DRC7: variants seen among roughly 807,000 people sequenced by gnomAD.
The protein encoded by DRC7 is dynein regulatory complex subunit 7.
DRC7 carries 80 observed loss-of-function variants against 104.4 expected under a neutral mutation model. The observed-to-expected ratio is 0.77, with a 90% confidence interval of 0.64 to 0.92. The LOEUF is 0.92. DRC7 is among the 40% of genes least tolerant of loss of function. DRC7 has a pLI of 0.00. For missense variants in DRC7, 1,034 were observed against 1,141.1 expected (o/e 0.91, Z 1.35); for synonymous variants, 405 against 447.3 (o/e 0.91, Z 1.19).
chr16:57,730,293 ATGGG>A (rs1474858563), intron 17 of DRC7, among the ~76,000 whole-genome samples: 3 of 73,356 alleles, frequency 4.1e-5, no homozygotes, highest in East Asian at 4.6e-4. Context: ...GGGTGGGTGG[ATGGG>A]TGGGTGGGTG....
At position 57,731,369 on chromosome 16, in the gene DRC7, C is replaced by T; in HGVS notation, c.*111C>T. ...AATGCCTGTTTACACAGACACCTGG[C>T]CTCACTGCCAGCCCACCTCCCCTAC... On this transcript the variant is annotated 3_prime_UTR_variant, in exon 19 of 19. Transcript: ENST00000360716. 1 of 772,290 alleles carries T rather than the reference C, an allele frequency of 1.3e-6. No individual in the cohort carries two copies. Among genetic ancestry groups the T allele is most frequent in the African/African-American group, 1.7e-5 (1 of 57,486 alleles). The allele number at this position is 772,290 out of a possible 1,614,324, so 47.8% of individuals were successfully genotyped here. A position where few individuals can be genotyped will look rare whatever the true frequency, so the allele number is the denominator to read the frequency against.
intron 8 of DRC7, among the ~76,000 whole-genome samples, chr16:57,711,635 T>G (rs1419931377): frequency 2.6e-5 from 4 of 152,156 alleles, no homozygotes; most frequent in African/African-American, 9.7e-5. Context: ...GACTGGGGAA[T>G]TGCAATAGAG....
At chr16:57,729,724 G>A (rs1161159246) in intron 17 of DRC7, among the ~76,000 whole-genome samples, 1 of 122,824 alleles carries the variant, frequency 8.1e-6, no homozygotes, top group Admixed American at 7.8e-5. Context: ...ATGGATGGGT[G>A]AGTGGGTGGG....
At chr16:57,710,065 A>G (rs753567626) in intron 8 of DRC7, among the ~76,000 whole-genome samples, 27 of 152,204 alleles carry the variant, frequency 1.8e-4, no homozygotes, top group African/African-American at 5.3e-4. Flanking sequence ...CCGGGCCCCA[A>G]AAAGAAGATT....
intron 9 of DRC7, among the ~76,000 whole-genome samples, chr16:57,720,459 G>T (rs1239769082): frequency 2.0e-5 from 3 of 152,232 alleles, no homozygotes; most frequent in African/African-American, 7.2e-5. Flanking sequence ...TGGCCTTGGG[G>T]CATGGACCAG....
At chr16:57,727,657 G>T (rs1246347800) in intron 16 of DRC7, among the ~76,000 whole-genome samples, 2 of 152,228 alleles carry the variant, frequency 1.3e-5, no homozygotes, top group African/African-American at 4.8e-5. Context: ...GTTGGGAAAA[G>T]AATTAAAATT....
At chr16:57,719,616 C>G (rs1305898932) in intron 9 of DRC7, among the ~76,000 whole-genome samples, 6 of 152,118 alleles carry the variant, frequency 3.9e-5, no homozygotes, top group African/African-American at 1.4e-4. Flanking sequence ...CTCAAATGAT[C>G]CTTCCACTTT....
chr16:57,722,949 T>C lies in DRC7; in HGVS notation c.1409-53T>C, dbSNP rs910755049. The C allele has an allele frequency of 1.9e-5, 30 of 1,612,418 alleles. No homozygotes were observed. The African/African-American group carries it at 2.7e-4, about 14-fold the overall frequency. On this transcript the variant is annotated intron_variant, in intron 11 of 18. Transcript: ENST00000360716. ...CTCTGTGTGCCTGGAATAAGGGGGGTTGAAGGCTAGGGGAGCTGGCCTGGC... is the reference window on the plus strand; with the variant it reads ...CTCTGTGTGCCTGGAATAAGGGGGGCTGAAGGCTAGGGGAGCTGGCCTGGC...
intron 9 of DRC7, 93 bp from the exon 10 acceptor site, chr16:57,721,574 T>C: frequency 1.0e-6 from 1 of 953,832 alleles, no homozygotes; most frequent in Non-Finnish European, 1.6e-6. Context: ...CCACCTTGGC[T>C]TGGCTCTGCA....
chr16:57,710,866 A>T (rs2048785774), intron 8 of DRC7, among the ~76,000 whole-genome samples: 1 of 152,150 alleles, frequency 6.6e-6, no homozygotes, highest in Non-Finnish European at 1.5e-5. Context: ...TAAATCTTTT[A>T]TATATTATTG....
At position 57,722,987 on chromosome 16, in the gene DRC7, C is replaced by T. The variant is rs1351570587; in HGVS notation, c.1409-15C>T. The stretch of plus-strand genomic sequence containing the variant: ...GAGCTGGCCTGGCTGCGGCAAGTGT[C>T]CATCGGCCCCACAGGTACCAATATT... On this transcript the variant is annotated splice_polypyrimidine_tract_variant and intron_variant, in intron 11 of 18. Coordinates refer to ENST00000360716, the MANE Select transcript of DRC7 (RefSeq NM_001289162.2). 6.2e-7 allele frequency: 1 copy of T among 1,613,706 alleles called. No individual in the cohort carries two copies. Among genetic ancestry groups the T allele is most frequent in the South Asian group, 1.1e-5 (1 of 91,062 alleles).
intron 7 of DRC7, among the ~76,000 whole-genome samples, chr16:57,707,140 G>A (rs1232028719): frequency 1.3e-5 from 2 of 152,142 alleles, no homozygotes; most frequent in African/African-American, 4.8e-5. Flanking sequence ...AAGGTACTTG[G>A]TCTCCCATTT....
At position 57,727,355 on chromosome 16, in the gene DRC7, C is replaced by T. The variant is rs1486600530; in HGVS notation, c.2142C>T (p.Ile714=). The change falls in exon 16 of 19, where the codon ATC becomes ATT. Residue 714 remains isoleucine (I), a synonymous_variant. Coordinates refer to ENST00000360716, the MANE Select transcript of DRC7 (RefSeq NM_001289162.2). ...AGGAGGCGGCGCACACACTGACCAT[C>T]TCCATCTATGACACCAAGCGGAATG... ...EEEEAAHTLT[I]SIYDTKRNEK... 2 of 1,613,420 alleles carry T rather than the reference C, an allele frequency of 1.2e-6. No individual in the cohort carries two copies. Among genetic ancestry groups the T allele is most frequent in the Middle Eastern group, 1.6e-4 (1 of 6,084 alleles).
chr16:57,711,723 C>A (rs1385685706), intron 8 of DRC7, among the ~76,000 whole-genome samples: 1 of 152,204 alleles, frequency 6.6e-6, no homozygotes, highest in Non-Finnish European at 1.5e-5. Flanking sequence ...CCAGAGCATT[C>A]GTGCATTCAG....
chr16:57,727,593 T>C (rs2048987717), intron 16 of DRC7, among the ~76,000 whole-genome samples, 184 bp downstream of exon 16: 1 of 152,238 alleles, frequency 6.6e-6, no homozygotes, highest in South Asian at 2.1e-4. Flanking sequence ...GTACTTGGGA[T>C]TTGGGCAAGG....
chr16:57,711,573 G>A (rs1046787473), intron 8 of DRC7, among the ~76,000 whole-genome samples: 5 of 152,254 alleles, frequency 3.3e-5, no homozygotes, highest in Non-Finnish European at 5.9e-5. Context: ...TGCCCAGATT[G>A]TAACCACCCA....
At chr16:57,711,765 T>C (rs1362135890) in intron 8 of DRC7, among the ~76,000 whole-genome samples, 1 of 152,068 alleles carries the variant, frequency 6.6e-6, no homozygotes, top group Non-Finnish European at 1.5e-5. Flanking sequence ...ACTTGGTGGG[T>C]TGGGGGATGC....
In DRC7 at chr16:57,726,447, T is replaced by C. The variant is rs1457575150; in HGVS notation, c.1974+164T>C. On this transcript the variant is annotated intron_variant, in intron 14 of 18. Coordinates refer to ENST00000360716, the MANE Select transcript of DRC7 (RefSeq NM_001289162.2). ...ACCAAAAGTTCCCATCTGGGGACCCTTCTCTTTGAGCTCCTCTGAAAATCT... is the reference window on the plus strand; with the variant it reads ...ACCAAAAGTTCCCATCTGGGGACCCCTCTCTTTGAGCTCCTCTGAAAATCT... 6.2e-6 allele frequency: 4 copies of C among 643,878 alleles called. No individual in the cohort carries two copies. The East Asian group carries it at 1.1e-4, about 18-fold the overall frequency. The allele number at this position is 643,878 out of a possible 1,614,324, so 39.9% of individuals were successfully genotyped here.
chr16:57,728,295 G>A (rs1597814098), intron 16 of DRC7, 95 bp from the exon 17 acceptor site: 1 of 1,220,416 alleles, frequency 8.2e-7, no homozygotes, highest in Non-Finnish European at 1.1e-6. Flanking sequence ...CTGGCTGTGA[G>A]GTCTGGCTTT....
Sources: gnomAD v4.1 joint callset for allele counts (sites outside exome capture counted in the v4.1 genomes callset) on GRCh38, gnomAD v4.1.1 for gene constraint, MANE v1.5 for transcripts, NCBI Gene and HGNC (gene_info 2026-07-23, HGNC 2026-07-21) for gene names.